Variants in HOXC4 observed in about 807,000 individuals in gnomAD.
HOXC4 encodes the protein homeobox protein Hox-C4.
In HOXC4, 15 loss-of-function variants were observed where a neutral mutation model predicts 25.5. The ratio of observed to expected loss-of-function variants is 0.59; its 90% CI spans 0.39 to 0.91. HOXC4 has a LOEUF of 0.91. Among genes scored for constraint, HOXC4 ranks in the 40% least tolerant of loss-of-function variants. The probability of loss-of-function intolerance (pLI) is 0.00; values close to 1 mark genes in which losing one functional copy is unlikely to be tolerated. For missense variants in HOXC4, 342 were observed against 352.4 expected, an observed-to-expected ratio of 0.97 and a Z score of 0.24; for synonymous variants, 165 against 148.0, an observed-to-expected ratio of 1.11 and a Z score of -0.83.
At chr12:54,019,562 G>T (rs538155478) in intron 1 of HOXC4, among the ~76,000 whole-genome samples, 1 of 152,282 alleles carries the variant, frequency 6.6e-6, no homozygotes, top group Non-Finnish European at 1.5e-5. Flanking sequence ...GTGGATGGCC[G>T]CTGATGGGGG....
In HOXC4 at chr12:54,054,861, T is replaced by G; in HGVS notation, c.451T>G (p.Tyr151Asp). ...KIHVSTVNPN[Y>D]NGGEPKRSRT... ...TCCCCTCCCCCCAGTGAACCCCAAT[T>G]ATAACGGAGGGGAACCCAAGCGCTC... The change falls in exon 2 of 2, where the codon TAT becomes GAT. Residue 151 changes from tyrosine to aspartate, a missense_variant. Coordinates refer to ENST00000430889, the MANE Select transcript of HOXC4 (RefSeq NM_153633.3). 6.2e-7 allele frequency: 1 copy of G among 1,604,690 alleles called. No individual in the cohort carries two copies. Among genetic ancestry groups the G allele is most frequent in the African/African-American group, 1.3e-5 (1 of 74,670 alleles).
At chr12:54,018,348 G>T (rs943542149) in intron 1 of HOXC4, among the ~76,000 whole-genome samples, 10 of 152,220 alleles carry the variant, frequency 6.6e-5, no homozygotes, top group South Asian at 6.2e-4. Context: ...CCTCGCCTCG[G>T]GGGGAGGTGG....
At chr12:54,036,527 C>T (rs1941187481) in intron 1 of HOXC4, among the ~76,000 whole-genome samples, 1 of 152,158 alleles carries the variant, frequency 6.6e-6, no homozygotes, top group South Asian at 2.1e-4. Context: ...CCTTTCCTCA[C>T]CCCATGCTTG....
At chr12:54,046,459 G>T (rs1189053278) in intron 1 of HOXC4, among the ~76,000 whole-genome samples, 1 of 152,064 alleles carries the variant, frequency 6.6e-6, no homozygotes, top group Non-Finnish European at 1.5e-5. Flanking sequence ...CAGGGAGAAG[G>T]TTGTGGCCAA....
intron 1 of HOXC4, among the ~76,000 whole-genome samples, chr12:54,036,901 G>A (rs530156033): frequency 3.9e-5 from 6 of 152,256 alleles, no homozygotes; most frequent in Non-Finnish European, 7.4e-5. Context: ...GGGGACAGGC[G>A]CACCACCCCA....
intron 1 of HOXC4, among the ~76,000 whole-genome samples, chr12:54,032,341 C>T (rs1941016857): frequency 6.6e-6 from 1 of 152,238 alleles, no homozygotes; most frequent in Non-Finnish European, 1.5e-5. Flanking sequence ...TCCTGTCTAC[C>T]TCTTCAGAAG....
intron 1 of HOXC4, among the ~76,000 whole-genome samples, chr12:54,038,365 AT>A (rs1941221542): frequency 6.6e-6 from 1 of 152,230 alleles, no homozygotes; most frequent in African/African-American, 2.4e-5. Context: ...CTGTACGGGT[AT>A]GTAAACTCTA....
At chr12:54,026,591 G>C (rs1026017581) in intron 1 of HOXC4, among the ~76,000 whole-genome samples, 9 of 151,928 alleles carry the variant, frequency 5.9e-5, no homozygotes, top group African/African-American at 2.2e-4. Flanking sequence ...TCCAAATACC[G>C]ACAAATTTCT....
In HOXC4 at chr12:54,055,681, G is replaced by A. The variant is rs1937963779; in HGVS notation, c.*476G>A. The A allele has an allele frequency of 1.3e-5, 2 of 152,504 alleles. No homozygotes were observed. Among genetic ancestry groups the A allele is most frequent in the South Asian group, 2.1e-4 (1 of 4,794 alleles). The allele number at this position is 152,504 out of a possible 1,614,324, so 9.4% of individuals were successfully genotyped here. On this transcript the variant is annotated 3_prime_UTR_variant, in exon 2 of 2. Transcript: ENST00000430889. ...GCCTTTTGCATTGAAAATGCACCAG[G>A]GGAGGTTAGTGAGGGGGAAGTCATT...
intron 1 of HOXC4, chr12:54,034,693 C>A (rs1254629608): frequency 1.7e-6 from 1 of 572,968 alleles, no homozygotes; most frequent in Non-Finnish European, 3.1e-6. Flanking sequence ...TCGGCGCTGC[C>A]CCATCTCCCC....
intron 1 of HOXC4, among the ~76,000 whole-genome samples, chr12:54,048,743 A>C (rs1937778456): frequency 1.3e-5 from 2 of 152,130 alleles, no homozygotes; most frequent in African/African-American, 4.8e-5. Context: ...GCACTTTGAG[A>C]TACCCTCATA....
upstream of HOXC4, among the ~76,000 whole-genome samples, chr12:54,049,453 C>A (rs542826261): frequency 5.9e-5 from 9 of 152,010 alleles, no homozygotes; most frequent in South Asian, 1.2e-3. Context: ...CAAGAGAAAT[C>A]CATGAGAGGA....
In HOXC4 at chr12:54,054,775, G is replaced by C; in HGVS notation, c.440-75G>C. The C allele has an allele frequency of 1.1e-6, 1 of 947,614 alleles. No individual in the cohort carries two copies. Among genetic ancestry groups the C allele is most frequent in the Non-Finnish European group, 1.6e-6 (1 of 616,394 alleles). 58.7% of individuals were successfully genotyped at this position (947,614 alleles called of 1,614,324 possible). ...CTCCCTCCTCCTGTTTCTCAGAGCT[G>C]AGGATGGGGTGAGGGTGGGGGGCGG... On this transcript the variant is annotated intron_variant, in intron 1 of 1. Coordinates refer to ENST00000430889, the MANE Select transcript of HOXC4 (RefSeq NM_153633.3).
At chr12:54,038,036 C>G (rs1213807872) in intron 1 of HOXC4, 2 of 152,178 alleles carry the variant, frequency 1.3e-5, no homozygotes, top group African/African-American at 4.8e-5. Context: ...CTCTCTTTCT[C>G]TCTCTCAGAC....
intron 1 of HOXC4, among the ~76,000 whole-genome samples, chr12:54,039,263 C>A (rs1427607815): frequency 6.6e-6 from 1 of 152,102 alleles, no homozygotes; most frequent in African/African-American, 2.4e-5. Flanking sequence ...TGGAGAGGTG[C>A]TGTTGGGGGA....
intron 1 of HOXC4, among the ~76,000 whole-genome samples, chr12:54,042,189 G>T (rs1941287472): frequency 6.6e-6 from 1 of 152,014 alleles, no homozygotes; most frequent in African/African-American, 2.4e-5. Flanking sequence ...TGTTGGTCAG[G>T]CTGGTCTCAA....
chr12:54,054,995 C>T lies in HOXC4; in HGVS notation c.585C>T (p.Leu195=). The T allele has an allele frequency of 1.2e-6, 2 of 1,614,120 alleles. No individual in the cohort carries two copies. The highest frequency in any genetic ancestry group is 1.7e-6 in the Non-Finnish European group (2 of 1,180,032). The part of the protein sequence containing the change: ...RRIEIAHSLC[L]SERQIKIWFQ... ...TCGAGATCGCCCACTCGCTGTGCCT[C>T]TCTGAGAGGCAGATCAAAATCTGGT... The change falls in exon 2 of 2, where the codon CTC becomes CTT. Residue 195 remains leucine, a synonymous_variant. Coordinates refer to ENST00000430889, the MANE Select transcript of HOXC4 (RefSeq NM_153633.3).
chr12:54,043,817 A>G (rs1158145204), intron 1 of HOXC4, among the ~76,000 whole-genome samples: 1 of 152,070 alleles, frequency 6.6e-6, no homozygotes, highest in Admixed American at 6.6e-5. Flanking sequence ...TCCAAGCTCA[A>G]ACTCCAAACT....
At chr12:54,033,357 GCGGC>G (rs753227604) in intron 1 of HOXC4, 5 of 1,612,762 alleles carry the variant, frequency 3.1e-6, no homozygotes, top group Non-Finnish European at 4.2e-6. Flanking sequence ...CTGCAGCGCC[GCGGC>G]CGCTCCGGGA....
Sources: gnomAD v4.1 joint callset for allele counts (sites outside exome capture counted in the v4.1 genomes callset) on GRCh38, gnomAD v4.1.1 for gene constraint, MANE v1.5 for transcripts, NCBI Gene and HGNC (gene_info 2026-07-23, HGNC 2026-07-21) for gene names.